The following STOX2 variants were observed in gnomAD, a reference collection of about 807,000 sequenced individuals.
STOX2 encodes storkhead box 2.
Under a neutral mutation model 60.9 loss-of-function variants are expected in STOX2, and 28 were observed. The ratio of observed to expected loss-of-function variants is 0.46; its 90% confidence interval spans 0.34 to 0.63. The LOEUF (loss-of-function observed/expected upper bound fraction) is 0.63. Ranked by LOEUF, STOX2 falls within the 30% of genes least tolerant of loss-of-function variation. The pLI is 0.01. For missense variants in STOX2, 1,024 were observed against 1,187.7 expected (o/e 0.86, Z 2.03); for synonymous variants, 472 against 463.9 (o/e 1.02, Z -0.22).
intron 1 of STOX2, among the ~76,000 whole-genome samples, chr4:183,993,327 T>C (rs1330799752): frequency 6.6e-6 from 1 of 152,244 alleles, no homozygotes; most frequent in East Asian, 1.9e-4. Flanking sequence ...CTTCACATAG[T>C]GGCATTAGAC....
At chr4:183,999,472 C>T (rs1181549396) in intron 1 of STOX2, among the ~76,000 whole-genome samples, 1 of 152,144 alleles carries the variant, frequency 6.6e-6, no homozygotes, top group African/African-American at 2.4e-5. Context: ...TGTGGGTACT[C>T]CTGTCTCCCT....
chr4:183,911,799 C>T (rs1741789190), intron 1 of STOX2, among the ~76,000 whole-genome samples: 1 of 152,162 alleles, frequency 6.6e-6, no homozygotes, highest in Non-Finnish European at 1.5e-5. Context: ...TGCTTGGACC[C>T]TTGCCAGTAG....
At chr4:183,932,879 C>T (rs747778235) in intron 1 of STOX2, among the ~76,000 whole-genome samples, 12 of 152,210 alleles carry the variant, frequency 7.9e-5, no homozygotes, top group Admixed American at 2.0e-4. Flanking sequence ...CATGACAGCT[C>T]CTCCTCATCT....
intron 1 of STOX2, among the ~76,000 whole-genome samples, chr4:183,842,943 T>A (rs1739897631): frequency 1.4e-5 from 2 of 147,126 alleles, no homozygotes; most frequent in South Asian, 4.3e-4. Flanking sequence ...AGGTCAGGAG[T>A]TCAAGACCAG....
rs1734442385 is a variant in STOX2, at chr4:184,017,782, A to G, written c.*498A>G. ...CACGAAATGTCAAATGCAAGGGTCC[A>G]CCTTGAGGGAAATAGATGCCAAACT... On this transcript the variant is annotated 3_prime_UTR_variant, in exon 4 of 4. Transcript: ENST00000308497. 6.6e-6 allele frequency: 1 copy of G among 151,962 alleles called. No homozygotes were observed. Among genetic ancestry groups the G allele is most frequent in the African/African-American group, 2.4e-5 (1 of 41,384 alleles). The allele number at this position is 151,962 out of a possible 1,614,324, so 9.4% of individuals were successfully genotyped here. A position where few individuals can be genotyped will look rare whatever the true frequency, so the allele number is the denominator to read the frequency against.
intron 2 of STOX2, among the ~76,000 whole-genome samples, chr4:184,003,281 T>C (rs1399496412): frequency 6.6e-6 from 1 of 152,226 alleles, no homozygotes; most frequent in Non-Finnish European, 1.5e-5. Flanking sequence ...CCACCCATTT[T>C]TGGGCTCTAA....
rs1734051297 is a variant in STOX2, at chr4:184,009,645, G to A, written c.807G>A (p.Lys269=). 6.2e-7 allele frequency: 1 copy of A among 1,613,710 alleles called. No individual in the cohort carries two copies. The highest frequency in any genetic ancestry group is 1.3e-5 in the African/African-American group (1 of 74,936). Residue 269 remains lysine (K), a synonymous_variant, in exon 3 of 4, where the codon AAG becomes AAA. Transcript: ENST00000308497. This position sits in a 1 kb window ranked among gnomAD's most constrained non-coding sequence, Gnocchi z 4.0. ...SEKQSKKFGL[K]LFRLSFKKDK... ...AGCAGTCAAAAAAATTCGGGCTAAA[G>A]TTATTCCGGTTAAGTTTTAAAAAAG...
At chr4:183,934,367 C>A (rs537051447) in intron 1 of STOX2, among the ~76,000 whole-genome samples, 1 of 152,276 alleles carries the variant, frequency 6.6e-6, no homozygotes, top group East Asian at 1.9e-4. Flanking sequence ...TGAAAAATTT[C>A]TGTCTCTCTA....
At chr4:183,901,190 C>T (rs886750516), upstream of STOX2, among the ~76,000 whole-genome samples, 1 of 152,172 alleles carries the variant, frequency 6.6e-6, no homozygotes, top group Non-Finnish European at 1.5e-5. Flanking sequence ...TGACTTCTTT[C>T]ACTTAGCATT....
intron 1 of STOX2, among the ~76,000 whole-genome samples, chr4:183,892,827 C>T (rs1369447): frequency 0.9 from 137,400 of 152,112 alleles, 62,598 homozygotes; most frequent in Admixed American, 0.96. Context: ...TGTTACCTAC[C>T]AATTAGTAGG....
chr4:183,812,569 A>T (rs777891858), intron 1 of STOX2, among the ~76,000 whole-genome samples: 3 of 152,258 alleles, frequency 2.0e-5, no homozygotes, highest in African/African-American at 2.4e-5. Context: ...GTTGTTTCTA[A>T]AGAGCAGCTC....
chr4:183,855,809 G>T (rs546154301), intron 1 of STOX2, among the ~76,000 whole-genome samples: 4 of 152,196 alleles, frequency 2.6e-5, no homozygotes, highest in Non-Finnish European at 4.4e-5. Context: ...TTAATGATTC[G>T]TCTGGAAGCG....
chr4:184,009,826 C>T lies in STOX2; in HGVS notation c.988C>T (p.His330Tyr). 1 of 1,611,828 alleles carries T rather than the reference C, an allele frequency of 6.2e-7. No homozygotes were observed. The highest frequency in any genetic ancestry group is 8.5e-7 in the Non-Finnish European group (1 of 1,179,046). ...PDLTVENVMR[H>Y]TALMKKLEEE... ...CCTGACCGTGGAAAATGTCATGCGGCACACCGCGCTCATGAAGAAACTGGA... is the reference window on the plus strand; with the variant it reads ...CCTGACCGTGGAAAATGTCATGCGGTACACCGCGCTCATGAAGAAACTGGA... Residue 330 changes from histidine to tyrosine, a missense_variant, in exon 3 of 4, where the codon CAC becomes TAC. Transcript: ENST00000308497. The surrounding 1 kb of genome is among the most constrained non-coding windows in gnomAD (Gnocchi z 4.0).
At position 184,022,841 on chromosome 4, in the gene STOX2, G is replaced by A. The variant is rs1167907179; in HGVS notation, c.*5557G>A. 6.6e-6 allele frequency: 1 copy of A among 152,142 alleles called. No individual in the cohort carries two copies. Among genetic ancestry groups the A allele is most frequent in the Non-Finnish European group, 1.5e-5 (1 of 68,050 alleles). The allele number at this position is 152,142 out of a possible 1,614,324, so 9.4% of individuals were successfully genotyped here. On this transcript the variant is annotated 3_prime_UTR_variant, in exon 4 of 4. Coordinates refer to ENST00000308497, the MANE Select transcript of STOX2 (RefSeq NM_020225.3). ...CCGCCACGGTTTCCACATTGGAAGG[G>A]CAGAACACTGTGCAGTATCGTGCAC...
In STOX2 at chr4:183,865,291, C is replaced by G. The variant is rs1429516322; in HGVS notation, c.364+67236C>G. ...TTTGAAATCTGATTATTTATTCTCT[C>G]TCTTCTTAGATACTCGGTTTTAAAG... On this transcript the variant is annotated intron_variant, in intron 1 of 2. Transcript: ENST00000513034. This position sits in a 1 kb window ranked among gnomAD's most constrained non-coding sequence, Gnocchi z 4.1. 6.6e-6 allele frequency among the ~76,000 whole-genome samples: 1 copy of G among 152,166 alleles called. No homozygotes were observed. Among genetic ancestry groups the G allele is most frequent in the East Asian group, 1.9e-4 (1 of 5,192 alleles).
At chr4:183,883,181 C>T (rs1180250621) in intron 1 of STOX2, among the ~76,000 whole-genome samples, 1 of 152,086 alleles carries the variant, frequency 6.6e-6, no homozygotes, top group Non-Finnish European at 1.5e-5. Context: ...ATTAATTCAT[C>T]CATAAATATT....
At chr4:183,855,815 A>G (rs924584675) in intron 1 of STOX2, among the ~76,000 whole-genome samples, 2 of 152,216 alleles carry the variant, frequency 1.3e-5, no homozygotes, top group Admixed American at 1.3e-4. Context: ...ATTCGTCTGG[A>G]AGCGTGCAAA....
chr4:183,870,729 C>T (rs1740669558), intron 1 of STOX2, among the ~76,000 whole-genome samples: 2 of 152,246 alleles, frequency 1.3e-5, no homozygotes, highest in Middle Eastern at 3.4e-3. Context: ...CTTTCAAAGA[C>T]ATAGTTATGA....
At position 183,806,835 on chromosome 4, in the gene STOX2, C is replaced by G. The variant is rs999210722; in HGVS notation, c.364+8780C>G. ...TGTTCGTGTTCAGGACGGTAGGGCC[C>G]AGGACATGCCCTTGTAAGGCAAGTG... On this transcript the variant is annotated intron_variant, in intron 1 of 2. Coordinates refer to the STOX2 transcript ENST00000513034. This position sits in a 1 kb window ranked among gnomAD's most constrained non-coding sequence, Gnocchi z 4.1. Among the ~76,000 whole-genome samples the G allele has an allele frequency of 1.3e-5, 2 of 152,206 alleles. No homozygotes were observed. The highest frequency in any genetic ancestry group is 4.8e-5 in the African/African-American group (2 of 41,458).
Sources: gnomAD v4.1 joint callset for allele counts (sites outside exome capture counted in the v4.1 genomes callset) on GRCh38, gnomAD v4.1.1 for gene constraint, Gnocchi (gnomAD v3.1) non-coding constraint, MANE v1.5 for transcripts, NCBI Gene and HGNC (gene_info 2026-07-23, HGNC 2026-07-21) for gene names.